ELP3: variants seen among roughly 807,000 people sequenced by gnomAD.
The protein encoded by ELP3 is elongator acetyltransferase complex subunit 3.
In ELP3, 56 loss-of-function variants were observed where a neutral mutation model predicts 74.9. That is an observed-to-expected ratio of 0.75 (90% CI 0.60 to 0.93). The LOEUF (loss-of-function observed/expected upper bound fraction) is 0.93, where lower values mean the gene tolerates loss of function less well. ELP3 is among the 40% of genes least tolerant of loss of function. ELP3 has a pLI of 0.00. For missense variants in ELP3, 573 were observed against 686.5 expected (o/e 0.83, Z 1.85); for synonymous variants, 222 against 239.8 (o/e 0.93, Z 0.68).
intron 6 of ELP3, 23 bp from the exon 7 acceptor site, chr8:28,112,996 A>G (rs746505254): frequency 1.2e-6 from 2 of 1,609,350 alleles, no homozygotes; most frequent in South Asian, 2.2e-5. Flanking sequence ...TATCATTCTA[A>G]TGCTGATGAA....
intron 14 of ELP3, among the ~76,000 whole-genome samples, chr8:28,163,563 AT>A (rs1175464737): frequency 8.4e-6 from 1 of 119,144 alleles, no homozygotes; most frequent in Non-Finnish European, 1.9e-5. Context: ...TTATTTATTT[AT>A]TTTTTTTTCT....
intron 2 of ELP3, among the ~76,000 whole-genome samples, chr8:28,099,324 G>C (rs1157824527): frequency 2.6e-5 from 4 of 151,976 alleles, no homozygotes; most frequent in African/African-American, 9.7e-5. Context: ...TTGTCAACCA[G>C]GGGTGATTTC....
intron 14 of ELP3, among the ~76,000 whole-genome samples, chr8:28,173,149 G>T (rs1479100931): frequency 6.6e-6 from 1 of 151,958 alleles, no homozygotes; most frequent in Middle Eastern, 3.2e-3. Flanking sequence ...TTTATTAAAT[G>T]AATTATAAAG....
chr8:28,100,746 A>G (rs1316239478), intron 3 of ELP3, among the ~76,000 whole-genome samples: 1 of 152,250 alleles, frequency 6.6e-6, no homozygotes, highest in African/African-American at 2.4e-5. Context: ...TTGGAGACAA[A>G]AAGACTAGCT....
intron 7 of ELP3, among the ~76,000 whole-genome samples, chr8:28,120,711 A>C (rs565490178): frequency 1.3e-3 from 201 of 152,276 alleles, no homozygotes; most frequent in Non-Finnish European, 2.2e-3. Context: ...ATCTTGAATT[A>C]ATTCTTATGT....
rs116731099 is a variant in ELP3, at chr8:28,114,755, G to A, written c.617+1582G>A. ...AGAAAGAACGTCATGAGACGGGGTT[G>A]AAGTGTTAGGTAAGGGCCAAGATAC... is the stretch of plus-strand genomic sequence containing the variant. On this transcript the variant is annotated intron_variant, in intron 7 of 14. Transcript: ENST00000256398. Among the ~76,000 whole-genome samples, 1,397 of 152,294 alleles carry A rather than the reference G, an allele frequency of 9.2e-3. 24 individuals carry two copies. The highest frequency in any genetic ancestry group is 0.031 in the African/African-American group (1,298 of 41,538).
intron 7 of ELP3, among the ~76,000 whole-genome samples, chr8:28,121,625 T>A (rs1421374999): frequency 6.6e-6 from 1 of 152,146 alleles, no homozygotes; most frequent in Non-Finnish European, 1.5e-5. Context: ...CGGCCATAAA[T>A]TTCATTTTTT....
intron 13 of ELP3, 49 bp downstream of exon 13, chr8:28,160,505 G>A: frequency 1.3e-6 from 2 of 1,527,466 alleles, no homozygotes; most frequent in South Asian, 2.4e-5. Flanking sequence ...TGCCTAAGTA[G>A]GAAAAGAGAA....
intron 14 of ELP3, among the ~76,000 whole-genome samples, chr8:28,172,309 CTTCT>C (rs1418777638): frequency 6.6e-6 from 1 of 152,008 alleles, no homozygotes; most frequent in African/African-American, 2.4e-5. Flanking sequence ...TTTATTTAGT[CTTCT>C]TTAATTTCTT....
Position 28,162,047 on chromosome 8 carries a change from A to G in ELP3, c.1536A>G (p.Glu512=). The change falls in exon 14 of 15, where the codon GAA becomes GAG. Residue 512 remains glutamate (E), a synonymous_variant. Transcript: ENST00000256398. ...MEEAERIARE[E]HGSGKIAVIS... is the part of the protein sequence containing the mutation. The stretch of plus-strand genomic sequence containing the variant: ...AAGCAGAAAGAATAGCTAGAGAAGA[A>G]CATGGGTCTGGGAAAATCGCTGTGA... 6.2e-7 allele frequency: 1 copy of G among 1,614,198 alleles called. No individual in the cohort carries two copies. The highest frequency in any genetic ancestry group is 8.5e-7 in the Non-Finnish European group (1 of 1,180,020).
intron 9 of ELP3, among the ~76,000 whole-genome samples, chr8:28,133,892 A>T (rs1034775917): frequency 3.3e-5 from 5 of 152,160 alleles, no homozygotes; most frequent in Non-Finnish European, 7.4e-5. Flanking sequence ...TCAGTAACTA[A>T]TAGCCAGGTG....
At chr8:28,107,831 T>A in intron 4 of ELP3, 82 bp from the exon 5 acceptor site, 3 of 1,061,700 alleles carry the variant, frequency 2.8e-6, no homozygotes, top group Non-Finnish European at 4.3e-6. Flanking sequence ...ATCAGGATTC[T>A]TTGGAGATGG....
At chr8:28,176,880 A>T (rs1480756508) in intron 14 of ELP3, among the ~76,000 whole-genome samples, 4 of 152,182 alleles carry the variant, frequency 2.6e-5, no homozygotes, top group Non-Finnish European at 5.9e-5. Flanking sequence ...TCTATTTTTG[A>T]ATCAGTTGAT....
chr8:28,100,122 T>C (rs564299581), intron 3 of ELP3, among the ~76,000 whole-genome samples, 156 bp downstream of exon 3: 1 of 152,272 alleles, frequency 6.6e-6, no homozygotes, highest in South Asian at 2.1e-4. Context: ...AGACCTGTGC[T>C]GAATGCAAGG....
chr8:28,149,332 G>T (rs1813555037), intron 10 of ELP3, among the ~76,000 whole-genome samples: 2 of 152,192 alleles, frequency 1.3e-5, no homozygotes, highest in Admixed American at 1.3e-4. Flanking sequence ...GCATAGTCTT[G>T]CTTAAATGTT....
At chr8:28,097,139 G>A (rs540910515) in intron 1 of ELP3, 80 bp from the exon 2 acceptor site, 2 of 914,528 alleles carry the variant, frequency 2.2e-6, no homozygotes, top group African/African-American at 1.6e-5. Flanking sequence ...GGTTTCGGAT[G>A]GAAAACTGCT....
At chr8:28,112,282 T>G (rs1410659007) in intron 6 of ELP3, among the ~76,000 whole-genome samples, 1 of 152,078 alleles carries the variant, frequency 6.6e-6, no homozygotes, top group African/African-American at 2.4e-5. Context: ...TAGCTGGGAT[T>G]ACGGCATGTC....
Position 28,182,282 on chromosome 8 carries a change from C to T in ELP3, c.1568-7367C>T, listed in dbSNP as rs192079542. 1.3e-3 allele frequency among the ~76,000 whole-genome samples: 192 copies of T among 152,214 alleles called. 1 individual carries two copies. Among genetic ancestry groups the T allele is most frequent in the Non-Finnish European group, 2.1e-3 (145 of 68,016 alleles). On this transcript the variant is annotated intron_variant, in intron 14 of 14. Transcript: ENST00000256398. ...TTAAGTAAACATCTAGGTTTGCGGC[C>T]GGGCACAGTGGCTACACCTGTAATC...
chr8:28,164,435 A>G (rs1396766756), intron 14 of ELP3, among the ~76,000 whole-genome samples: 3 of 152,196 alleles, frequency 2.0e-5, no homozygotes, highest in Non-Finnish European at 1.5e-5. Flanking sequence ...GTCAGCTGGT[A>G]TGATAGGTCT....
Sources: allele counts gnomAD v4.1 joint callset (sites outside exome capture counted in the v4.1 genomes callset), GRCh38; gene constraint gnomAD v4.1.1; transcripts MANE v1.5; gene names NCBI Gene and HGNC (gene_info 2026-07-23, HGNC 2026-07-21).